The following RBM25 variants were observed in gnomAD, a reference collection of about 807,000 sequenced individuals.
RBM25 encodes the protein RNA binding motif protein 25.
RBM25 carries 19 observed loss-of-function variants against 120.7 expected under a neutral mutation model. That is an observed-to-expected ratio of 0.16 (90% CI 0.11 to 0.23). The LOEUF (loss-of-function observed/expected upper bound fraction) is 0.23, where lower values mean the gene tolerates loss of function less well. RBM25 is among the 10% of genes least tolerant of loss of function. The probability of loss-of-function intolerance (pLI) is 1.00; values close to 1 mark genes in which losing one functional copy is unlikely to be tolerated. For synonymous variants in RBM25, 390 were observed against 326.7 expected (o/e 1.19, Z -2.09); for missense variants, 605 against 1,041.5 (o/e 0.58, Z 5.77).
intron 1 of RBM25, chr14:73,068,762 G>C: frequency 3.5e-6 from 1 of 285,870 alleles, no homozygotes; most frequent in South Asian, 3.5e-5. Context: ...TTTTAGTAGA[G>C]ATGGGGTTTC....
intron 17 of RBM25, among the ~76,000 whole-genome samples, chr14:73,113,037 GT>G (rs1445282937): frequency 6.6e-6 from 1 of 151,898 alleles, no homozygotes; most frequent in Non-Finnish European, 1.5e-5. Flanking sequence ...TAACGTGCAG[GT>G]TTGTTACATA....
intron 1 of RBM25, among the ~76,000 whole-genome samples, chr14:73,059,012 C>T (rs959427956): frequency 6.6e-6 from 1 of 152,104 alleles, no homozygotes; most frequent in Non-Finnish European, 1.5e-5. Flanking sequence ...GTCTCTGCCC[C>T]CCCTGGGCTC....
At chr14:73,074,694 T>G (rs987405894) in intron 2 of RBM25, among the ~76,000 whole-genome samples, 7 of 150,686 alleles carry the variant, frequency 4.6e-5, no homozygotes, top group Non-Finnish European at 1.0e-4. Flanking sequence ...AGATTTTAAA[T>G]TTCTTTGATT....
Position 73,089,394 on chromosome 14 carries a change from G to A in RBM25, c.543+1233G>A, listed in dbSNP as rs148532099. On this transcript the variant is annotated intron_variant, in intron 6 of 18. Transcript: ENST00000261973. ...TTTTTTGAGACAGAGTCTCTCTGTC[G>A]TTCAGGCTAGAGTGCAGTGGTGCGA... 1.1e-3 allele frequency among the ~76,000 whole-genome samples: 174 copies of A among 152,152 alleles called. 1 individual carries two copies. Among genetic ancestry groups the A allele is most frequent in the Admixed American group, 5.1e-3 (78 of 15,272 alleles).
intron 6 of RBM25, among the ~76,000 whole-genome samples, chr14:73,091,820 G>T (rs1895820599): frequency 6.6e-6 from 1 of 152,078 alleles, no homozygotes; most frequent in African/African-American, 2.4e-5. Context: ...GGAGGTTACA[G>T]TTAGCTGAGA....
intron 5 of RBM25, among the ~76,000 whole-genome samples, chr14:73,087,685 G>A (rs1280103156): frequency 3.3e-5 from 5 of 152,152 alleles, no homozygotes; most frequent in Non-Finnish European, 7.3e-5. Flanking sequence ...ATGAGCCACC[G>A]CGCCCGGCCA....
chr14:73,068,039 G>C, intron 1 of RBM25: 2 of 397,676 alleles, frequency 5.0e-6, no homozygotes, highest in South Asian at 6.4e-5. Context: ...AGGCTGGGGT[G>C]CAGCGCACAC....
At chr14:73,098,066 AGCCTGG>A (rs1895986393) in intron 7 of RBM25, among the ~76,000 whole-genome samples, 1 of 152,208 alleles carries the variant, frequency 6.6e-6, no homozygotes, top group Non-Finnish European at 1.5e-5. Context: ...ACTTGAGTCT[AGCCTGG>A]GCCACAGAGC....
At position 73,120,676 on chromosome 14, in the gene RBM25, C is replaced by G. The variant is rs927480514; in HGVS notation, c.*871C>G. Reference sequence around the variant, plus strand: ...GAGCTGTATTTAATGCATTTTTGCACTAATTGGTCCTTAGTTTAATTCTAT... The same window carrying G: ...GAGCTGTATTTAATGCATTTTTGCAGTAATTGGTCCTTAGTTTAATTCTAT... On this transcript the variant is annotated 3_prime_UTR_variant, in exon 19 of 19. Transcript: ENST00000261973. The G allele has an allele frequency of 1.3e-5, 2 of 152,122 alleles. No homozygotes were observed. The highest frequency in any genetic ancestry group is 2.9e-5 in the Non-Finnish European group (2 of 68,000). The allele number at this position is 152,122 out of a possible 1,614,324, so 9.4% of individuals were successfully genotyped here.
chr14:73,073,746 A>G (rs1895348510), intron 2 of RBM25, among the ~76,000 whole-genome samples: 1 of 152,250 alleles, frequency 6.6e-6, no homozygotes, highest in African/African-American at 2.4e-5. Context: ...AATAGAATGC[A>G]GTACTTTAAT....
At chr14:73,118,982 T>C (rs757864455) in intron 18 of RBM25, among the ~76,000 whole-genome samples, 1 of 152,096 alleles carries the variant, frequency 6.6e-6, no homozygotes, top group Non-Finnish European at 1.5e-5. Flanking sequence ...TTGGCCAGGC[T>C]GGTCTTGAAC....
intron 2 of RBM25, among the ~76,000 whole-genome samples, chr14:73,074,432 G>A (rs1309089193): frequency 1.3e-5 from 2 of 151,938 alleles, no homozygotes; most frequent in East Asian, 1.9e-4. Flanking sequence ...TGCAAAGCCC[G>A]AGTGTTCTAG....
chr14:73,101,822 A>G (rs1896061879), intron 9 of RBM25: 1 of 152,186 alleles, frequency 6.6e-6, no homozygotes, highest in Non-Finnish European at 1.5e-5. Context: ...TCATTTTACA[A>G]TATAAATTTT....
chr14:73,123,393 T>C lies in RBM25; in HGVS notation c.*3588T>C, dbSNP rs1191041938. 6.6e-6 allele frequency: 1 copy of C among 152,214 alleles called. No individual in the cohort carries two copies. The highest frequency in any genetic ancestry group is 6.5e-5 in the Admixed American group (1 of 15,276). 9.4% of individuals were successfully genotyped at this position (152,214 alleles called of 1,614,324 possible). A position where few individuals can be genotyped will look rare whatever the true frequency, so the allele number is the denominator to read the frequency against. On this transcript the variant is annotated 3_prime_UTR_variant, in exon 19 of 19. Transcript: ENST00000261973. ...TATCCCCAATTTATACCCAAAAGAC[T>C]GCTGAGAGGTTTTATGTCAAATTGA...
At chr14:73,119,021 A>C (rs1297028063) in intron 18 of RBM25, among the ~76,000 whole-genome samples, 2 of 152,006 alleles carry the variant, frequency 1.3e-5, no homozygotes, top group Non-Finnish European at 2.9e-5. Flanking sequence ...CACCTGCCTC[A>C]GCCTCCCAAA....
chr14:73,105,126 CTTTTTTTT>C (rs34862161), intron 10 of RBM25, among the ~76,000 whole-genome samples: 1 of 109,564 alleles, frequency 9.1e-6, no homozygotes, highest in Non-Finnish European at 1.8e-5. Context: ...GGTTTTATTA[CTTTTTTTT>C]TTTTTTTTTT....
chr14:73,117,818 T>G (rs1896466872), intron 18 of RBM25, among the ~76,000 whole-genome samples: 1 of 151,994 alleles, frequency 6.6e-6, no homozygotes. Flanking sequence ...ACCCCAAACT[T>G]CCTCTATGAA....
chr14:73,096,602 A>G (rs1354923261), intron 6 of RBM25, among the ~76,000 whole-genome samples: 2 of 152,108 alleles, frequency 1.3e-5, no homozygotes, highest in Non-Finnish European at 2.9e-5. Context: ...CTATTTGTGT[A>G]CCTATTGAGC....
At chr14:73,107,327 T>C (rs1462172104) in intron 12 of RBM25, 1 of 154,036 alleles carries the variant, frequency 6.5e-6, no homozygotes, top group Non-Finnish European at 1.4e-5. Flanking sequence ...ATGTGACCTA[T>C]ACTTAATATA....
Sources: gnomAD v4.1 joint callset for allele counts (sites outside exome capture counted in the v4.1 genomes callset) on GRCh38, gnomAD v4.1.1 for gene constraint, MANE v1.5 for transcripts, NCBI Gene and HGNC (gene_info 2026-07-23, HGNC 2026-07-21) for gene names.